CNTNAP2: variants seen among roughly 807,000 people sequenced by gnomAD.
CNTNAP2 encodes the protein contactin associated protein 2.
A neutral mutation model predicts 155.2 loss-of-function variants in CNTNAP2; 98 were observed. The observed-to-expected ratio is 0.63, with a 90% CI of 0.54 to 0.75. The LOEUF (loss-of-function observed/expected upper bound fraction) is 0.75, where lower values mean the gene tolerates loss of function less well. Among genes scored for constraint, CNTNAP2 ranks in the 30% least tolerant of loss-of-function variants. The pLI is 0.00. For synonymous variants in CNTNAP2, 651 were observed against 631.2 expected (o/e 1.03, Z -0.47); for missense variants, 1,727 against 1,688.1 (o/e 1.02, Z -0.40).
At chr7:147,936,503 C>G (rs1800611367) in intron 14 of CNTNAP2, among the ~76,000 whole-genome samples, 1 of 152,058 alleles carries the variant, frequency 6.6e-6, no homozygotes, top group Admixed American at 6.6e-5. Flanking sequence ...AGAGAATAAA[C>G]AGTTCAACAC....
At chr7:147,257,058 G>A (rs1307281573) in intron 8 of CNTNAP2, among the ~76,000 whole-genome samples, 3 of 152,202 alleles carry the variant, frequency 2.0e-5, no homozygotes, top group Admixed American at 1.3e-4. Context: ...ATGCTGATAG[G>A]TTTTTGACAA....
chr7:148,102,778 C>T (rs1804129205), intron 15 of CNTNAP2, among the ~76,000 whole-genome samples: 1 of 152,124 alleles, frequency 6.6e-6, no homozygotes, highest in Admixed American at 6.6e-5. Flanking sequence ...GCTTTGGGGC[C>T]TGTAGTGCTG....
At chr7:147,180,626 A>G (rs1437310118) in intron 8 of CNTNAP2, among the ~76,000 whole-genome samples, 2 of 152,176 alleles carry the variant, frequency 1.3e-5, no homozygotes, top group Non-Finnish European at 2.9e-5. Context: ...CCTTAGTAAG[A>G]GCAGCCATTA....
rs10263914 is a variant in CNTNAP2, at chr7:148,110,107, G to A, written c.2384-8011G>A. Among the ~76,000 whole-genome samples the A allele has an allele frequency of 9.2e-3, 1,401 of 151,968 alleles. 18 individuals carry two copies. The highest frequency in any genetic ancestry group is 0.032 in the African/African-American group (1,320 of 41,424). On this transcript the variant is annotated intron_variant, in intron 15 of 23. Transcript: ENST00000361727. ...CCAGAAAAGGCCTAGGCAAACTCTC[G>A]GTGGGCTTTTGTTACATCCTAACCT...
chr7:146,997,067 C>A (rs1317134945), intron 3 of CNTNAP2, among the ~76,000 whole-genome samples: 1 of 152,046 alleles, frequency 6.6e-6, no homozygotes. Flanking sequence ...CATTAAACCT[C>A]TTTTTCTTTA....
chr7:147,751,419 T>C (rs1797133497), intron 13 of CNTNAP2, among the ~76,000 whole-genome samples: 1 of 151,472 alleles, frequency 6.6e-6, no homozygotes, highest in African/African-American at 2.4e-5. Flanking sequence ...AGGAAATTAG[T>C]CTTTAAAATT....
chr7:148,330,301 A>G (rs62649284), intron 21 of CNTNAP2, among the ~76,000 whole-genome samples: 71,773 of 147,038 alleles, frequency 0.49, 18,146 homozygotes, highest in African/African-American at 0.65. Context: ...TGGATGGAGC[A>G]GACAGATGGA....
intron 12 of CNTNAP2, among the ~76,000 whole-genome samples, chr7:147,568,967 T>A (rs1800230495): frequency 6.6e-6 from 1 of 152,206 alleles, no homozygotes; most frequent in Non-Finnish European, 1.5e-5. Context: ...CATTCATTTT[T>A]TTCTTAATTT....
intron 8 of CNTNAP2, among the ~76,000 whole-genome samples, chr7:147,178,647 C>G (rs1802396030): frequency 6.6e-6 from 1 of 152,132 alleles, no homozygotes; most frequent in Non-Finnish European, 1.5e-5. Flanking sequence ...GAATGGCTAC[C>G]CTGATTTTCT....
At chr7:148,062,855 C>T (rs1039672019) in intron 15 of CNTNAP2, among the ~76,000 whole-genome samples, 3 of 152,064 alleles carry the variant, frequency 2.0e-5, no homozygotes, top group African/African-American at 7.2e-5. Flanking sequence ...GGAGGATCAA[C>T]ATAGTCACAA....
At chr7:147,630,166 A>T (rs1167149041) in intron 12 of CNTNAP2, among the ~76,000 whole-genome samples, 2 of 152,094 alleles carry the variant, frequency 1.3e-5, no homozygotes, top group Non-Finnish European at 2.9e-5. Context: ...AATACAAAAG[A>T]TCATTCAAGG....
At position 146,688,606 on chromosome 7, in the gene CNTNAP2, G is replaced by A. The variant is rs140178813; in HGVS notation, c.98-85665G>A. 5.5e-3 allele frequency among the ~76,000 whole-genome samples: 833 copies of A among 152,214 alleles called. 8 individuals are homozygous for A. Among genetic ancestry groups the A allele is most frequent in the Middle Eastern group, 0.051 (15 of 294 alleles). On this transcript the variant is annotated intron_variant, in intron 1 of 23. Coordinates refer to ENST00000361727, the MANE Select transcript of CNTNAP2 (RefSeq NM_014141.6). Reference sequence around the variant, plus strand: ...TCACAAGGTAAATTGATCAGTTGAGGTGGGACACGAGCAAATCACAATGGT... The same window carrying A: ...TCACAAGGTAAATTGATCAGTTGAGATGGGACACGAGCAAATCACAATGGT...
At chr7:148,202,614 G>A (rs1329043790) in intron 18 of CNTNAP2, among the ~76,000 whole-genome samples, 2 of 152,188 alleles carry the variant, frequency 1.3e-5, no homozygotes, top group Non-Finnish European at 2.9e-5. Context: ...AGGGGAAAAA[G>A]CTGCTGATAC....
intron 9 of CNTNAP2, among the ~76,000 whole-genome samples, chr7:147,354,747 A>G (rs1796033729): frequency 6.6e-6 from 1 of 152,118 alleles, no homozygotes; most frequent in South Asian, 2.1e-4. Flanking sequence ...TTTCCACAAT[A>G]TTGATTCTTC....
intron 7 of CNTNAP2, among the ~76,000 whole-genome samples, chr7:147,130,125 G>T (rs145221244): frequency 6.6e-6 from 1 of 152,146 alleles, no homozygotes; most frequent in Non-Finnish European, 1.5e-5. Flanking sequence ...TAAAAAGATA[G>T]ATGTATAGCC....
chr7:146,542,298 T>A (rs1797964659), intron 1 of CNTNAP2, among the ~76,000 whole-genome samples: 1 of 151,900 alleles, frequency 6.6e-6, no homozygotes, highest in South Asian at 2.1e-4. Flanking sequence ...AACCACAATT[T>A]ATAAAACGAC....
At chr7:146,412,188 C>G (rs1639498) in intron 1 of CNTNAP2, among the ~76,000 whole-genome samples, 5,413 of 152,232 alleles carry the variant, frequency 0.036, 341 homozygotes, top group African/African-American at 0.12. Context: ...CCACCTTCCC[C>G]CTGGAGCCCT....
In CNTNAP2 at chr7:148,312,963, A is replaced by C. The variant is rs182990225; in HGVS notation, c.3475+45837A>C. On this transcript the variant is annotated intron_variant, in intron 21 of 23. Transcript: ENST00000361727. Reference sequence around the variant, plus strand: ...TGAACTGGGGGAAAAGGTGGCAATGAGGTGTGGCTGTAGCCCAGGAATAGT... The same window carrying C: ...TGAACTGGGGGAAAAGGTGGCAATGCGGTGTGGCTGTAGCCCAGGAATAGT... Among the ~76,000 whole-genome samples, 1,092 of 151,836 alleles carry C rather than the reference A, an allele frequency of 7.2e-3. 19 individuals carry two copies. Among genetic ancestry groups the C allele is most frequent in the African/African-American group, 0.025 (1,028 of 41,340 alleles).
chr7:147,006,054 A>T (rs1798518274), intron 3 of CNTNAP2, among the ~76,000 whole-genome samples: 1 of 152,088 alleles, frequency 6.6e-6, no homozygotes, highest in African/African-American at 2.4e-5. Flanking sequence ...GGAAAAAGAC[A>T]GATTAACAAG....
Sources: gnomAD v4.1 joint callset for allele counts (sites outside exome capture counted in the v4.1 genomes callset) on GRCh38, gnomAD v4.1.1 for gene constraint, MANE v1.5 for transcripts, NCBI Gene and HGNC (gene_info 2026-07-23, HGNC 2026-07-21) for gene names.